PRKG1: variants seen among roughly 807,000 people sequenced by gnomAD.
The protein encoded by PRKG1 is protein kinase cGMP-dependent 1, also known as cGMP-dependent protein kinase 1.
In PRKG1, 35 loss-of-function variants were observed where a neutral mutation model predicts 88.1. The ratio of observed to expected loss-of-function variants is 0.40; its 90% CI spans 0.30 to 0.53. The LOEUF is 0.53. Among genes scored for constraint, PRKG1 ranks in the 20% least tolerant of loss-of-function variants. The pLI is 0.59. For missense variants in PRKG1, 540 were observed against 839.8 expected, an observed-to-expected ratio of 0.64 and a Z score of 4.41; for synonymous variants, 303 against 292.5, an observed-to-expected ratio of 1.04 and a Z score of -0.37.
intron 3 of PRKG1, among the ~76,000 whole-genome samples, chr10:51,567,278 T>G (rs1374849896): frequency 6.6e-6 from 1 of 152,024 alleles, no homozygotes; most frequent in Non-Finnish European, 1.5e-5. Context: ...TTTTTCATGT[T>G]CACACCTGCG....
rs752902859 is a variant in PRKG1 at position 52,294,119 on chromosome 10, A to G, written c.*219A>G. ...GTTTGAACCTAAAATAGCAGTTGAC[A>G]TGGTGGTCCTGAAGCAAAGCCTTTC... is the stretch of plus-strand genomic sequence containing the variant. On this transcript the variant is annotated 3_prime_UTR_variant, in exon 18 of 18. Coordinates refer to ENST00000373980, the MANE Select transcript of PRKG1 (RefSeq NM_006258.4). The G allele has an allele frequency of 4.5e-6, 2 of 444,062 alleles. No individual in the cohort carries two copies. Among genetic ancestry groups the G allele is most frequent in the Admixed American group, 3.9e-5 (1 of 25,322 alleles). 27.5% of individuals were successfully genotyped at this position (444,062 alleles called of 1,614,324 possible). A position where few individuals can be genotyped will look rare whatever the true frequency, so the allele number is the denominator to read the frequency against.
Position 51,570,819 on chromosome 10 carries a change from A to G in PRKG1, c.592+102983A>G, listed in dbSNP as rs575247891. On this transcript the variant is annotated intron_variant, in intron 3 of 17. Transcript: ENST00000373980. ...ATGAGATCACTTCTTTTTAAAATTA[A>G]ACTTTGTCATTGTTTGTACTAGCTA... Among the ~76,000 whole-genome samples, 9 of 151,998 alleles carry G rather than the reference A, an allele frequency of 5.9e-5. No homozygotes were observed. The South Asian group carries it at 1.9e-3, about 32-fold the overall frequency.
At chr10:52,098,226 A>G (rs1313472989) in intron 7 of PRKG1, among the ~76,000 whole-genome samples, 3 of 152,210 alleles carry the variant, frequency 2.0e-5, no homozygotes, top group Non-Finnish European at 4.4e-5. Flanking sequence ...ATTTCACAAA[A>G]ATAATACATT....
chr10:52,077,556 A>T (rs1846661642), intron 7 of PRKG1, among the ~76,000 whole-genome samples: 4 of 152,190 alleles, frequency 2.6e-5, no homozygotes, highest in Admixed American at 6.5e-5. Context: ...TGCAAATGCC[A>T]AAAGTTTTCG....
chr10:51,853,239 G>C (rs1473946539), intron 4 of PRKG1, among the ~76,000 whole-genome samples: 1 of 152,020 alleles, frequency 6.6e-6, no homozygotes, highest in Non-Finnish European at 1.5e-5. Context: ...TATTACTTGG[G>C]CATCTATTAT....
intron 3 of PRKG1, among the ~76,000 whole-genome samples, chr10:51,802,284 T>C (rs2132606713): frequency 6.6e-6 from 1 of 152,332 alleles, no homozygotes; most frequent in East Asian, 1.9e-4. Context: ...TTTGGTATCA[T>C]GCCCAAGGTC....
At chr10:51,332,587 G>GC (rs1841769483) in intron 2 of PRKG1, among the ~76,000 whole-genome samples, 2 of 152,304 alleles carry the variant, frequency 1.3e-5, no homozygotes, top group South Asian at 4.1e-4. Context: ...AAGTCACAAG[G>GC]TTAGGTAGTA....
At chr10:51,175,551 T>C (rs1224954166) in intron 2 of PRKG1, among the ~76,000 whole-genome samples, 1 of 152,056 alleles carries the variant, frequency 6.6e-6, no homozygotes, top group South Asian at 2.1e-4. Context: ...GATAAAAACA[T>C]AAAACCTCAT....
intron 1 of PRKG1, among the ~76,000 whole-genome samples, chr10:51,085,369 C>A (rs577252615): frequency 1.9e-4 from 29 of 152,036 alleles, no homozygotes; most frequent in Admixed American, 9.2e-4. Context: ...CTGAAAGTGA[C>A]AGGTACCATT....
chr10:51,559,767 C>T (rs1281511961), intron 3 of PRKG1, among the ~76,000 whole-genome samples: 1 of 151,912 alleles, frequency 6.6e-6, no homozygotes, highest in Non-Finnish European at 1.5e-5. Flanking sequence ...ATGTTACAAG[C>T]CTTATGTGAT....
chr10:51,964,802 T>G (rs1843529153), intron 5 of PRKG1, among the ~76,000 whole-genome samples: 2 of 152,228 alleles, frequency 1.3e-5, no homozygotes, highest in South Asian at 2.1e-4. Flanking sequence ...CAGCTTCAAC[T>G]GCATCCAAAA....
At chr10:51,149,496 A>G (rs1014250368) in intron 1 of PRKG1, among the ~76,000 whole-genome samples, 2 of 152,136 alleles carry the variant, frequency 1.3e-5, no homozygotes, top group Non-Finnish European at 2.9e-5. Flanking sequence ...TTTCTCTGTA[A>G]TAAGTAAATG....
Position 51,567,115 on chromosome 10 carries a change from A to G in PRKG1, c.592+99279A>G, listed in dbSNP as rs114194218. On this transcript the variant is annotated intron_variant, in intron 3 of 17. Transcript: ENST00000373980. ...AAAGCTGGAAAAATTAGAAAATACT[A>G]TACATAACTTGAGGATTCAACTCAA... is the stretch of plus-strand genomic sequence containing the variant. Among the ~76,000 whole-genome samples, 868 of 152,190 alleles carry G rather than the reference A, an allele frequency of 5.7e-3. 8 individuals are homozygous for G. The highest frequency in any genetic ancestry group is 0.02 in the African/African-American group (832 of 41,540).
intron 5 of PRKG1, among the ~76,000 whole-genome samples, chr10:51,925,787 A>C (rs1208524707): frequency 6.6e-6 from 1 of 152,034 alleles, no homozygotes; most frequent in Non-Finnish European, 1.5e-5. Flanking sequence ...TGTCTTTCTG[A>C]TTTTTGGGGC....
At chr10:51,075,369 A>G (rs1355609686) in intron 1 of PRKG1, among the ~76,000 whole-genome samples, 1 of 152,126 alleles carries the variant, frequency 6.6e-6, no homozygotes, top group Non-Finnish European at 1.5e-5. Context: ...GGATTTCTCT[A>G]CCTGCTGGCG....
chr10:51,694,239 C>T (rs1002789981), intron 3 of PRKG1, among the ~76,000 whole-genome samples: 3 of 152,132 alleles, frequency 2.0e-5, no homozygotes, highest in African/African-American at 7.2e-5. Context: ...ATCCTTAGAC[C>T]TCATCAGACC....
chr10:51,731,616 T>C (rs1490447644), intron 3 of PRKG1, among the ~76,000 whole-genome samples: 1 of 152,196 alleles, frequency 6.6e-6, no homozygotes, highest in African/African-American at 2.4e-5. Flanking sequence ...AGGATAGATC[T>C]GAATAAGAAT....
rs1288541977 is a variant in PRKG1 at position 51,183,382 on chromosome 10, G to A, written c.478+30052G>A. Among the ~76,000 whole-genome samples the A allele has an allele frequency of 3.3e-5, 5 of 152,286 alleles. No homozygotes were observed. The East Asian group carries it at 9.7e-4, about 29-fold the overall frequency. On this transcript the variant is annotated intron_variant, in intron 2 of 17. Coordinates refer to ENST00000373980, the MANE Select transcript of PRKG1 (RefSeq NM_006258.4). ...AGCTGCAAGCCTTGCTAATTAGCTA[G>A]TACCCTGGATCTCATGCATTAAGTT...
intron 2 of PRKG1, among the ~76,000 whole-genome samples, chr10:51,288,983 A>T (rs1292274172): frequency 6.6e-6 from 1 of 152,178 alleles, no homozygotes; most frequent in East Asian, 1.9e-4. Flanking sequence ...CATAAAATAG[A>T]TTTGCATGTT....
Sources: gnomAD v4.1 joint callset for allele counts (sites outside exome capture counted in the v4.1 genomes callset) on GRCh38, gnomAD v4.1.1 for gene constraint, MANE v1.5 for transcripts, NCBI Gene and HGNC (gene_info 2026-07-23, HGNC 2026-07-21) for gene names.